The following VSX1 variants were observed in gnomAD, a reference collection of about 807,000 sequenced individuals.
VSX1 encodes the protein visual system homeobox 1, also known as homeodomain protein RINX.
A neutral mutation model predicts 23.6 loss-of-function variants in VSX1; 23 were observed. The observed-to-expected ratio is 0.97, with a 90% CI of 0.70 to 1.38. The LOEUF is 1.38. Among genes scored for constraint, VSX1 ranks in the 40% most tolerant of loss-of-function variants. The probability of loss-of-function intolerance (pLI) is 0.00; values close to 1 mark genes in which losing one functional copy is unlikely to be tolerated. For synonymous variants in VSX1, 247 were observed against 215.1 expected, an observed-to-expected ratio of 1.15 and a Z score of -1.30; for missense variants, 517 against 495.4, an observed-to-expected ratio of 1.04 and a Z score of -0.41.
chr20:25,080,854 T>G (rs2122897266), intron 1 of VSX1, among the ~76,000 whole-genome samples: 1 of 152,338 alleles, frequency 6.6e-6, no homozygotes, highest in East Asian at 1.9e-4. Context: ...GAAGACCCAG[T>G]CTACTCTTTT....
At chr20:25,073,051 G>T (rs968439508), downstream of VSX1, among the ~76,000 whole-genome samples, 2 of 152,152 alleles carry the variant, frequency 1.3e-5, no homozygotes, top group Non-Finnish European at 2.9e-5. Context: ...AGGGTTGAGA[G>T]GACCACGTGT....
chr20:25,081,345 C>A, intron 1 of VSX1: 1 of 603,112 alleles, frequency 1.7e-6, no homozygotes. Flanking sequence ...GAGACTGGCG[C>A]CTGGCGCTGG....
At chr20:25,073,825 G>A (rs925815224), downstream of VSX1, among the ~76,000 whole-genome samples, 7 of 152,148 alleles carry the variant, frequency 4.6e-5, no homozygotes, top group Admixed American at 2.0e-4. Context: ...CAAAGTCCTC[G>A]TCTCCAGACT....
chr20:25,071,702 G>A, downstream of VSX1: 1 of 658,580 alleles, frequency 1.5e-6, no homozygotes, highest in Non-Finnish European at 2.8e-6. Flanking sequence ...ATTCTCATCA[G>A]CTGGTAATAG....
chr20:25,071,304 TG>T (rs776522572), downstream of VSX1: 3 of 453,918 alleles, frequency 6.6e-6, no homozygotes, highest in South Asian at 4.7e-5. Context: ...CAGCCAGCCT[TG>T]GGGGAACTCT....
chr20:25,073,268 CTAA>C (rs2089418681), downstream of VSX1, among the ~76,000 whole-genome samples: 1 of 151,948 alleles, frequency 6.6e-6, no homozygotes, highest in Non-Finnish European at 1.5e-5. Flanking sequence ...TTTTTACATA[CTAA>C]TTTTACAAAA....
chr20:25,073,618 T>C (rs1000362897), downstream of VSX1, among the ~76,000 whole-genome samples: 1 of 152,236 alleles, frequency 6.6e-6, no homozygotes, highest in East Asian at 1.9e-4. Context: ...CTGGTGATGA[T>C]TGGCTTAGGC....
chr20:25,072,427 G>C, downstream of VSX1: 1 of 445,186 alleles, frequency 2.2e-6, no homozygotes, highest in Non-Finnish European at 4.6e-6. Flanking sequence ...TGTGCTGCCT[G>C]CTCCTATTCC....
chr20:25,078,139 G>A (rs1337809048), intron 3 of VSX1: 1 of 543,618 alleles, frequency 1.8e-6, no homozygotes, highest in African/African-American at 2.0e-5. Context: ...ATAGAGTCAG[G>A]AATGAAAAAA....
At position 25,077,802 on chromosome 20, in the gene VSX1, C is replaced by A; in HGVS notation, c.691G>T (p.Val231Leu). Residue 231 changes from valine (V) to leucine (L), a missense_variant, in exon 4 of 5, where the codon GTG becomes TTG. Val to Leu is a conservative substitution (Grantham distance 32). Coordinates refer to ENST00000376709, the MANE Select transcript of VSX1 (RefSeq NM_014588.6). ...CCGTACAGCCCGTACTCGGCCATCA[C>A]GCTGCTGCCGCCCCAGCGCTTCTCC... The part of the protein sequence containing the change: ...KREKRWGGSS[V>L]MAEYGLYGAM... The A allele has an allele frequency of 6.4e-7, 1 of 1,551,338 alleles. No homozygotes were observed. The highest frequency in any genetic ancestry group is 8.7e-7 in the Non-Finnish European group (1 of 1,147,088).
chr20:25,077,672 G>A lies in VSX1; in HGVS notation c.808+13C>T, dbSNP rs916550041. 5.2e-6 allele frequency: 8 copies of A among 1,544,798 alleles called. No individual in the cohort carries two copies. In the African/African-American group the frequency reaches 6.8e-5, roughly 13 times the overall value. On this transcript the variant is annotated intron_variant, in intron 4 of 4. Transcript: ENST00000376709. ...ACACCTCGAGCCGTGCGATCCCGGG[G>A]GCCCTTCCTTACCCAGGAGCCAGGG...
chr20:25,081,983 G>C lies in VSX1; in HGVS notation c.114C>G (p.Gly38=), dbSNP rs1306717083. 3 of 1,533,772 alleles carry C rather than the reference G, an allele frequency of 2.0e-6. No individual in the cohort carries two copies. The Admixed American group carries it at 5.9e-5, about 30-fold the overall frequency. ...PRGFAITDLL[G]LEAELPAPAG... ...CGGGCGCCGGCAGCTCGGCCTCCAA[G>C]CCCAGCAGGTCCGTGATGGCGAAGC... Residue 38 remains glycine, a synonymous_variant, in exon 1 of 5, where the codon GGC becomes GGG. Transcript: ENST00000376709.
At chr20:25,072,598 G>C (rs150209525), downstream of VSX1, 169 of 471,058 alleles carry the variant, frequency 3.6e-4, no homozygotes, top group African/African-American at 2.9e-3. Context: ...TTGACAATCG[G>C]CTTAGCAGGT....
rs985990030 is a variant in VSX1 at position 25,081,809 on chromosome 20, A to C, written c.288T>G (p.Ala96=). The C allele has an allele frequency of 3.3e-6, 5 of 1,502,952 alleles. No homozygotes were observed. The highest frequency in any genetic ancestry group is 3.5e-6 in the Non-Finnish European group (4 of 1,134,914). 93.1% of individuals were successfully genotyped at this position (1,502,952 alleles called of 1,614,324 possible). A position where few individuals can be genotyped will look rare whatever the true frequency, so the allele number is the denominator to read the frequency against. Reference sequence around the variant, plus strand: ...CCGCTAGGAGCAGGCAGGGTGCTCGAGCGGCCGCCGGCGGCTGCGTGCCGA... The same window carrying C: ...CCGCTAGGAGCAGGCAGGGTGCTCGCGCGGCCGCCGGCGGCTGCGTGCCGA... The part of the protein sequence containing the change: ...CGFGTQPPAA[A]RAPCLLLADV... Residue 96 remains alanine (A), a synonymous_variant, in exon 1 of 5, where the codon GCT becomes GCG. Coordinates refer to ENST00000376709, the MANE Select transcript of VSX1 (RefSeq NM_014588.6).
At chr20:25,072,588 T>C (rs1161052399), downstream of VSX1, 1 of 471,206 alleles carries the variant, frequency 2.1e-6, no homozygotes, top group South Asian at 1.5e-5. Flanking sequence ...TCTCATCCAT[T>C]TGACAATCGG....
At position 25,081,677 on chromosome 20, in the gene VSX1, C is replaced by T; in HGVS notation, c.420G>A (p.Thr140=). ...GGAAAGCGCGGGCCTGATTACCGGA[C>T]GTGGAGACGCTGTCGCTGCGCTTCT... ...GRQKRSDSVS[T]SDEDSQSEDR... is the part of the protein sequence containing the mutation. The change falls in exon 1 of 5, where the codon ACG becomes ACA. Residue 140 remains threonine (T), a synonymous_variant. Coordinates refer to ENST00000376709, the MANE Select transcript of VSX1 (RefSeq NM_014588.6). The T allele has an allele frequency of 6.6e-7, 1 of 1,517,790 alleles. No individual in the cohort carries two copies. The highest frequency in any genetic ancestry group is 8.8e-7 in the Non-Finnish European group (1 of 1,139,678). The allele number at this position is 1,517,790 out of a possible 1,614,324, so 94.0% of individuals were successfully genotyped here.
At chr20:25,079,284 T>C in intron 2 of VSX1, 152 bp downstream of exon 2, 1 of 753,130 alleles carries the variant, frequency 1.3e-6, no homozygotes, top group Non-Finnish European at 2.1e-6. Context: ...CAGAATTATC[T>C]TCCCAAATGG....
chr20:25,079,315 C>A (rs2089587454), intron 2 of VSX1, 121 bp downstream of exon 2: 2 of 1,058,054 alleles, frequency 1.9e-6, no homozygotes, highest in Admixed American at 2.8e-5. Context: ...CTTCCCATTG[C>A]CAACCAGGAA....
intron 3 of VSX1, chr20:25,078,432 A>G (rs767875406): frequency 1.4e-6 from 1 of 736,648 alleles, no homozygotes; most frequent in African/African-American, 1.8e-5. Context: ...ATGCATGTAG[A>G]TATGTATATG....
Sources: allele counts gnomAD v4.1 joint callset (sites outside exome capture counted in the v4.1 genomes callset), GRCh38; gene constraint gnomAD v4.1.1; transcripts MANE v1.5; gene names NCBI Gene and HGNC (gene_info 2026-07-23, HGNC 2026-07-21).